The following PDCD1LG2 variants were observed in gnomAD, a reference collection of about 807,000 sequenced individuals.
The protein encoded by PDCD1LG2 is B7 dendritic cell molecule.
In PDCD1LG2, 32 loss-of-function variants were observed where a neutral mutation model predicts 28.2. The observed-to-expected ratio is 1.13, with a 90% CI of 0.86 to 1.52. PDCD1LG2 has a LOEUF of 1.52. Ranked by LOEUF, PDCD1LG2 falls within the 40% of genes most tolerant of loss-of-function variation. PDCD1LG2 has a pLI of 0.00. For missense variants in PDCD1LG2, 385 were observed against 323.8 expected, an observed-to-expected ratio of 1.19 and a Z score of -1.45; for synonymous variants, 116 against 120.2, an observed-to-expected ratio of 0.97 and a Z score of 0.23.
At chr9:5,564,359 T>C (rs183875932) in intron 6 of PDCD1LG2, among the ~76,000 whole-genome samples, 32 of 152,268 alleles carry the variant, frequency 2.1e-4, no homozygotes, top group African/African-American at 7.7e-4. Context: ...CTCTAAGTAT[T>C]TGGATGCAAT....
intron 6 of PDCD1LG2, among the ~76,000 whole-genome samples, chr9:5,565,464 G>A (rs560972948): frequency 3.3e-5 from 5 of 152,162 alleles, no homozygotes; most frequent in Non-Finnish European, 5.9e-5. Flanking sequence ...GATTCCAGGC[G>A]TAAGCCACTG....
intron 1 of PDCD1LG2, among the ~76,000 whole-genome samples, 160 bp downstream of exon 1, chr9:5,510,963 G>A (rs541554990): frequency 1.2e-4 from 19 of 152,290 alleles, no homozygotes; most frequent in Non-Finnish European, 1.5e-5. Context: ...ATAAGCTAAT[G>A]TCCTCCTGCC....
chr9:5,536,320 T>C (rs532388454), intron 3 of PDCD1LG2, among the ~76,000 whole-genome samples: 2 of 152,176 alleles, frequency 1.3e-5, no homozygotes, highest in Non-Finnish European at 2.9e-5. Flanking sequence ...ATATAATAAG[T>C]GTCCAGAGAC....
At chr9:5,541,234 C>T (rs971254890) in intron 3 of PDCD1LG2, among the ~76,000 whole-genome samples, 8 of 152,224 alleles carry the variant, frequency 5.3e-5, no homozygotes, top group East Asian at 1.9e-4. Flanking sequence ...AAGCTAACTA[C>T]GACAAACCCA....
At chr9:5,563,297 C>T in intron 6 of PDCD1LG2, 86 bp downstream of exon 6, 1 of 1,150,704 alleles carries the variant, frequency 8.7e-7, no homozygotes. Context: ...TCTATTAATT[C>T]ATGGAAGGCA....
chr9:5,543,364 C>T (rs1322891277), intron 3 of PDCD1LG2, among the ~76,000 whole-genome samples: 1 of 151,910 alleles, frequency 6.6e-6, no homozygotes, highest in East Asian at 1.9e-4. Flanking sequence ...ACGGTGAAAC[C>T]CCGTCTCTAC....
chr9:5,555,259 T>C (rs1234928921), intron 4 of PDCD1LG2, among the ~76,000 whole-genome samples: 1 of 151,864 alleles, frequency 6.6e-6, no homozygotes. Context: ...CTACTAAAAA[T>C]ACAAAAAATT....
At chr9:5,516,578 C>A (rs1287934731) in intron 1 of PDCD1LG2, among the ~76,000 whole-genome samples, 1 of 152,240 alleles carries the variant, frequency 6.6e-6, no homozygotes, top group Non-Finnish European at 1.5e-5. Flanking sequence ...CTCTTGCCAT[C>A]AACATGCTGT....
At chr9:5,564,191 G>C (rs1256061101) in intron 6 of PDCD1LG2, among the ~76,000 whole-genome samples, 2 of 152,128 alleles carry the variant, frequency 1.3e-5, no homozygotes. Flanking sequence ...AAGAGGCCAG[G>C]GTTCTGTCTA....
At chr9:5,541,605 C>A (rs1216828003) in intron 3 of PDCD1LG2, among the ~76,000 whole-genome samples, 1 of 152,008 alleles carries the variant, frequency 6.6e-6, no homozygotes, top group Non-Finnish European at 1.5e-5. Context: ...TAGGAATATA[C>A]CTAACGAAGG....
At chr9:5,512,080 T>C (rs1161864363) in intron 1 of PDCD1LG2, among the ~76,000 whole-genome samples, 1 of 152,232 alleles carries the variant, frequency 6.6e-6, no homozygotes, top group Non-Finnish European at 1.5e-5. Flanking sequence ...GACAGTATTA[T>C]GGGTCATGCT....
intron 1 of PDCD1LG2, among the ~76,000 whole-genome samples, chr9:5,522,098 A>G (rs558272787): frequency 1.9e-4 from 29 of 152,328 alleles, no homozygotes; most frequent in African/African-American, 6.7e-4. Context: ...GCTCTGTTCT[A>G]TGGAGTCTTA....
At chr9:5,542,525 A>G (rs1820706133) in intron 3 of PDCD1LG2, among the ~76,000 whole-genome samples, 1 of 152,252 alleles carries the variant, frequency 6.6e-6, no homozygotes, top group African/African-American at 2.4e-5. Flanking sequence ...AAATGGGCTA[A>G]GGACATGAAT....
intron 3 of PDCD1LG2, among the ~76,000 whole-genome samples, chr9:5,547,936 C>CAAAAA (rs1165268333): frequency 1.6e-5 from 1 of 60,866 alleles, no homozygotes; most frequent in Non-Finnish European, 3.8e-5. Context: ...AACTCTGTCT[C>CAAAAA]AAAAAAAAAA....
intron 3 of PDCD1LG2, among the ~76,000 whole-genome samples, chr9:5,540,314 C>T (rs752482066): frequency 1.9e-4 from 29 of 152,144 alleles, no homozygotes; most frequent in Non-Finnish European, 3.7e-4. Flanking sequence ...TCTAAGGTCA[C>T]ACCTCCTGGA....
intron 3 of PDCD1LG2, among the ~76,000 whole-genome samples, chr9:5,545,297 A>G (rs373853324): frequency 2.0e-5 from 3 of 152,372 alleles, no homozygotes; most frequent in African/African-American, 7.2e-5. Flanking sequence ...GTTTTTAACT[A>G]CGGTGCTTAC....
chr9:5,566,168 T>C (rs1214893404), intron 6 of PDCD1LG2, among the ~76,000 whole-genome samples: 6 of 152,060 alleles, frequency 3.9e-5, no homozygotes, highest in African/African-American at 1.5e-4. Flanking sequence ...GGAGATGGAG[T>C]CTTGGGACTT....
At chr9:5,561,217 T>G (rs1361613121) in intron 5 of PDCD1LG2, among the ~76,000 whole-genome samples, 2 of 152,218 alleles carry the variant, frequency 1.3e-5, no homozygotes, top group African/African-American at 4.8e-5. Context: ...ATTCACACAC[T>G]GTAAGTGCTC....
chr9:5,560,056 A>G (rs556599314), intron 5 of PDCD1LG2, among the ~76,000 whole-genome samples: 9 of 152,090 alleles, frequency 5.9e-5, no homozygotes, highest in Non-Finnish European at 1.0e-4. Context: ...TCCTAATTCT[A>G]CCTCCACGCA....
Sources: allele counts gnomAD v4.1 joint callset (sites outside exome capture counted in the v4.1 genomes callset), GRCh38; gene constraint gnomAD v4.1.1; transcripts MANE v1.5; gene names NCBI Gene and HGNC (gene_info 2026-07-23, HGNC 2026-07-21).